Variants in SERPINB12 observed in about 807,000 individuals in gnomAD.
SERPINB12 encodes the protein serpin family B member 12, also known as serpin B12.
SERPINB12 carries 57 observed loss-of-function variants against 41.1 expected under a neutral mutation model. The ratio of observed to expected loss-of-function variants is 1.39; its 90% CI spans 1.12 to 1.73. SERPINB12 has a LOEUF of 1.73. Ranked by LOEUF, SERPINB12 falls within the 40% of genes most tolerant of loss-of-function variation. SERPINB12 has a pLI of 0.00. For missense variants in SERPINB12, 536 were observed against 501.9 expected (o/e 1.07, Z -0.65); for synonymous variants, 180 against 181.3 (o/e 0.99, Z 0.06).
rs1568126861 is a variant in SERPINB12 at position 63,553,783 on chromosome 18, G to A, written c.-18-2359G>A. On this transcript the variant is annotated intron_variant, in intron 1 of 7. Coordinates refer to ENST00000382768, the MANE Select transcript of SERPINB12 (RefSeq NM_001307928.2). ...CAACTCAGACCATCTTTAATTTGTT[G>A]GTTTTCTTTTCTTTGTTAGTAGACT... Among the ~76,000 whole-genome samples the A allele has an allele frequency of 2.0e-5, 3 of 151,978 alleles. No individual in the cohort carries two copies. The South Asian group carries it at 6.2e-4, about 32-fold the overall frequency.
the SERPINB12 span, among the ~76,000 whole-genome samples, chr18:63,520,166 G>A: frequency 8.3e-3 from 1,257 of 152,228 alleles, 18 homozygotes; most frequent in African/African-American, 0.029. Flanking sequence ...TTTTCCTTTC[G>A]GTTGGGCCTA....
At chr18:63,543,665 G>C (rs770768791) in intron 1 of SERPINB12, among the ~76,000 whole-genome samples, 4 of 151,768 alleles carry the variant, frequency 2.6e-5, no homozygotes, top group Non-Finnish European at 5.9e-5. Flanking sequence ...CGTGATCTTG[G>C]CTTACAGCAA....
chr18:63,563,281 G>T (rs1910973848), intron 5 of SERPINB12, among the ~76,000 whole-genome samples: 1 of 152,196 alleles, frequency 6.6e-6, no homozygotes, highest in African/African-American at 2.4e-5. Context: ...TATGTTGAGT[G>T]CTTGAGACAG....
chr18:63,525,919 A>G, the SERPINB12 span, among the ~76,000 whole-genome samples: 1 of 152,216 alleles, frequency 6.6e-6, no homozygotes, highest in African/African-American at 2.4e-5. Flanking sequence ...AGCCTTATTC[A>G]TGAAAGACTT....
At chr18:63,556,884 T>C (rs556947044) in intron 2 of SERPINB12, among the ~76,000 whole-genome samples, 1 of 152,344 alleles carries the variant, frequency 6.6e-6, no homozygotes, top group Admixed American at 6.5e-5. Flanking sequence ...ACAACCATCT[T>C]TTCTCACCTG....
At chr18:63,528,166 A>G in the SERPINB12 span, among the ~76,000 whole-genome samples, 1 of 152,180 alleles carries the variant, frequency 6.6e-6, no homozygotes, top group South Asian at 2.1e-4. Flanking sequence ...AAATGGACTA[A>G]TACAGTAATA....
intron 1 of SERPINB12, among the ~76,000 whole-genome samples, chr18:63,552,624 T>C (rs1186960056): frequency 6.6e-6 from 1 of 152,196 alleles, no homozygotes; most frequent in Non-Finnish European, 1.5e-5. Flanking sequence ...TCTTAAACTC[T>C]ACTCCTGAAT....
rs780152976 is a variant in SERPINB12, at chr18:63,566,687, C to T, written c.954C>T (p.Ser318=). Residue 318 remains serine, a synonymous_variant, in exon 8 of 8, where the codon TCC becomes TCT. Transcript: ENST00000382768. ...TGTCAGAAGAATCGGTGGTCCTGTCCTTCCCCCGGTTCACCCTGGAAGACA... is the reference window on the plus strand; with the variant it reads ...TGTCAGAAGAATCGGTGGTCCTGTCTTTCCCCCGGTTCACCCTGGAAGACA... ...ENMSEESVVL[S]FPRFTLEDSY... 1.9e-6 allele frequency: 3 copies of T among 1,614,034 alleles called. No homozygotes were observed. The South Asian group carries it at 3.3e-5, about 18-fold the overall frequency.
intron 1 of SERPINB12, among the ~76,000 whole-genome samples, chr18:63,544,691 G>A (rs1910345278): frequency 6.6e-6 from 1 of 152,082 alleles, no homozygotes; most frequent in African/African-American, 2.4e-5. Context: ...AAGGGCTTTG[G>A]ATATCTTAAG....
At chr18:63,522,231 C>T in the SERPINB12 span, among the ~76,000 whole-genome samples, 1 of 152,196 alleles carries the variant, frequency 6.6e-6, no homozygotes, top group Non-Finnish European at 1.5e-5. Flanking sequence ...CAGACTTTGT[C>T]TGCAGGACGT....
chr18:63,544,732 T>G (rs1375249815), intron 1 of SERPINB12, among the ~76,000 whole-genome samples: 1 of 152,170 alleles, frequency 6.6e-6, no homozygotes, highest in Non-Finnish European at 1.5e-5. Flanking sequence ...TGAGTTTGTG[T>G]TTTAGTCTTT....
intron 5 of SERPINB12, among the ~76,000 whole-genome samples, chr18:63,562,027 AC>A (rs1442093374): frequency 5.3e-5 from 8 of 152,178 alleles, no homozygotes; most frequent in Non-Finnish European, 7.4e-5. Context: ...TTAAAAAAAA[AC>A]AAAACAAAAA....
chr18:63,566,054 G>A (rs1470087250), intron 7 of SERPINB12, among the ~76,000 whole-genome samples: 5 of 152,176 alleles, frequency 3.3e-5, no homozygotes, highest in Admixed American at 2.0e-4. Flanking sequence ...GATTGCTTGT[G>A]AGGTAGGAAT....
the SERPINB12 span, among the ~76,000 whole-genome samples, chr18:63,522,393 A>T: frequency 1.3e-5 from 2 of 152,012 alleles, no homozygotes; most frequent in African/African-American, 4.8e-5. Flanking sequence ...ATCAATCAGC[A>T]AAAAAAAGTA....
At chr18:63,534,488 C>G in the SERPINB12 span, among the ~76,000 whole-genome samples, 1 of 152,146 alleles carries the variant, frequency 6.6e-6, no homozygotes, top group South Asian at 2.1e-4. Context: ...ATGAACTTTT[C>G]ATGAACCGGC....
In SERPINB12 at chr18:63,564,119, C is replaced by A. The variant is rs543006776; in HGVS notation, c.704C>A (p.Ala235Glu). ...GTGGATGCACCTTTCTGTCTAAATG[C>A]GGTAGTGTATCAGAACTCATGGTTT... ...NTVDAPFCLN[A>E]NENKSVKMMT... is the part of the protein sequence containing the mutation. Residue 235 changes from alanine (A) to glutamate (E), a missense_variant and splice_region_variant, in exon 6 of 8, where the codon GCG (alanine) becomes GAG (glutamate). Coordinates refer to ENST00000382768, the MANE Select transcript of SERPINB12 (RefSeq NM_001307928.2). 4 of 1,611,266 alleles carry A rather than the reference C, an allele frequency of 2.5e-6. No homozygotes were observed. The East Asian group carries it at 6.7e-5, about 27-fold the overall frequency.
chr18:63,549,433 T>C (rs1253272227), intron 1 of SERPINB12, among the ~76,000 whole-genome samples: 1 of 152,196 alleles, frequency 6.6e-6, no homozygotes, highest in Admixed American at 6.5e-5. Context: ...TTTTTTTCTT[T>C]TTCTTCTGAC....
At chr18:63,566,563 G>C in intron 7 of SERPINB12, 44 bp from the exon 8 acceptor site, 1 of 1,524,440 alleles carries the variant, frequency 6.6e-7, no homozygotes. Context: ...CATTCTTTGT[G>C]GTCCCATAAT....
chr18:63,540,579 C>T (rs2144542802), upstream of SERPINB12, among the ~76,000 whole-genome samples: 1 of 152,264 alleles, frequency 6.6e-6, no homozygotes, highest in South Asian at 2.1e-4. Flanking sequence ...TTCAGACAAA[C>T]TGTTAAATCC....
Sources: allele counts gnomAD v4.1 joint callset (sites outside exome capture counted in the v4.1 genomes callset), GRCh38; gene constraint gnomAD v4.1.1; transcripts MANE v1.5; gene names NCBI Gene and HGNC (gene_info 2026-07-23, HGNC 2026-07-21).